The following NPHP3 variants were observed in gnomAD, a reference collection of about 807,000 sequenced individuals.
NPHP3 encodes nephrocystin 3.
In NPHP3, 123 loss-of-function variants were observed where a neutral mutation model predicts 171.9. The observed-to-expected ratio is 0.72, with a 90% CI of 0.62 to 0.83. The LOEUF (loss-of-function observed/expected upper bound fraction) is 0.83, where lower values mean the gene tolerates loss of function less well. Among genes scored for constraint, NPHP3 ranks in the 40% least tolerant of loss-of-function variants. NPHP3 has a pLI of 0.00. For missense variants in NPHP3, 1,506 were observed against 1,591.9 expected (o/e 0.95, Z 0.92); for synonymous variants, 558 against 579.2 (o/e 0.96, Z 0.52).
At chr3:132,711,989 G>A (rs1939921981) in intron 6 of NPHP3, among the ~76,000 whole-genome samples, 1 of 152,178 alleles carries the variant, frequency 6.6e-6, no homozygotes, top group African/African-American at 2.4e-5. Flanking sequence ...GTTAAAGTCA[G>A]AGTTGGTCCA....
Position 132,716,917 on chromosome 3 carries a change from G to C in NPHP3, c.671-8C>G. 6.2e-7 allele frequency: 1 copy of C among 1,613,240 alleles called. No individual in the cohort carries two copies. The highest frequency in any genetic ancestry group is 8.5e-7 in the Non-Finnish European group (1 of 1,179,998). ...CACATTGGGTTCCAGCAGCTGTTCA[G>C]CAAGAGATTTTTATCTTGTGAAAGC... is the stretch of plus-strand genomic sequence containing the variant. On this transcript the variant is annotated splice_polypyrimidine_tract_variant and splice_region_variant and intron_variant, in intron 3 of 26. Transcript: ENST00000337331.
intron 5 of NPHP3, among the ~76,000 whole-genome samples, chr3:132,714,857 TA>T (rs1334112299): frequency 1.3e-5 from 2 of 152,204 alleles, no homozygotes; most frequent in African/African-American, 4.8e-5. Context: ...CTAGGAAAGT[TA>T]ATTCCAGAAA....
At chr3:132,688,243 A>G (rs1032553858) in intron 21 of NPHP3, among the ~76,000 whole-genome samples, 6 of 152,188 alleles carry the variant, frequency 3.9e-5, no homozygotes, top group African/African-American at 1.2e-4. Flanking sequence ...TATAAGGTGT[A>G]TATGAAAAAT....
At chr3:132,711,468 G>T (rs1012378290) in intron 6 of NPHP3, among the ~76,000 whole-genome samples, 1 of 151,700 alleles carries the variant, frequency 6.6e-6, no homozygotes, top group African/African-American at 2.4e-5. Context: ...GAAATAAATG[G>T]GGAGGAAAAC....
At chr3:132,701,988 C>T (rs1386144466) in intron 9 of NPHP3, among the ~76,000 whole-genome samples, 9 of 152,012 alleles carry the variant, frequency 5.9e-5, no homozygotes, top group African/African-American at 1.5e-4. Flanking sequence ...ACAGTGCCAC[C>T]GCACTCCAGC....
rs374302036 is a variant in NPHP3 at position 132,686,048 on chromosome 3, C to CA, written c.3329+211dup. The stretch of plus-strand genomic sequence containing the variant: ...TGGGCAACAGAGCGAGACTCCGTCT[C>CA]AAAAAAAAAAAAAAGAGTGTGAAAA... On this transcript the variant is annotated intron_variant, in intron 23 of 26. Transcript: ENST00000337331. 54,022 of 360,436 alleles carry CA rather than the reference C, an allele frequency of 0.15. 475 individuals are homozygous for CA. The highest frequency in any genetic ancestry group is 0.2 in the African/African-American group (6,635 of 33,256). The allele number at this position is 360,436 out of a possible 1,614,324, so 22.3% of individuals were successfully genotyped here. A position where few individuals can be genotyped will look rare whatever the true frequency, so the allele number is the denominator to read the frequency against.
In NPHP3 at chr3:132,721,493, G is replaced by A. The variant is rs1391300562; in HGVS notation, c.393+470C>T. ...GGTGGGGAGGGGGGTGAAACTCCTAGGAAGAGTTTGCTGAGTTGCTTCAAC... is the reference window on the plus strand; with the variant it reads ...GGTGGGGAGGGGGGTGAAACTCCTAAGAAGAGTTTGCTGAGTTGCTTCAAC... On this transcript the variant is annotated intron_variant, in intron 1 of 26. Coordinates refer to ENST00000337331, the MANE Select transcript of NPHP3 (RefSeq NM_153240.5). 4 of 235,686 alleles carry A rather than the reference G, an allele frequency of 1.7e-5. No individual in the cohort carries two copies. The South Asian group carries it at 1.7e-4, about 10-fold the overall frequency. 14.6% of individuals were successfully genotyped at this position (235,686 alleles called of 1,614,324 possible).
chr3:132,705,402 T>C (rs1480271052), intron 8 of NPHP3, among the ~76,000 whole-genome samples: 4 of 152,142 alleles, frequency 2.6e-5, no homozygotes, highest in Non-Finnish European at 5.9e-5. Context: ...ACTTTCCTAA[T>C]ATATAAAAAT....
In NPHP3 at chr3:132,716,779, T is replaced by A. The variant is rs763333048; in HGVS notation, c.801A>T (p.Gly267=). ...TACCTCTATTAACATTTGCAAAGGG[T>A]CCTTCCACATCTATAGAACTATGGG... ...EFAHSSIDVE[G]PFANVNRDDW... The change falls in exon 4 of 27, where the codon GGA becomes GGT. Residue 267 remains glycine, a synonymous_variant. Transcript: ENST00000337331. The A allele has an allele frequency of 5.0e-6, 8 of 1,613,994 alleles. No homozygotes were observed. In the African/African-American group the frequency reaches 5.3e-5, roughly 11 times the overall value.
At chr3:132,698,434 T>C (rs950710884) in intron 13 of NPHP3, among the ~76,000 whole-genome samples, 16 of 151,896 alleles carry the variant, frequency 1.1e-4, no homozygotes, top group African/African-American at 3.4e-4. Flanking sequence ...CCCGCCACCA[T>C]GCCTGGCTAA....
chr3:132,688,901 A>T lies in NPHP3; in HGVS notation c.2884-10T>A. 6.2e-7 allele frequency: 1 copy of T among 1,614,094 alleles called. No individual in the cohort carries two copies. The highest frequency in any genetic ancestry group is 8.5e-7 in the Non-Finnish European group (1 of 1,179,986). On this transcript the variant is annotated splice_polypyrimidine_tract_variant and intron_variant, in intron 20 of 26. Transcript: ENST00000337331. ...GCAAAGGTACTATGGCCTGGGGGGA[A>T]AAGGGGTGAAAGGCCAGTTAAAGTG...
intron 21 of NPHP3, 148 bp downstream of exon 21, chr3:132,688,502 T>C (rs1036551638): frequency 2.0e-5 from 17 of 852,878 alleles, no homozygotes; most frequent in South Asian, 4.2e-5. Context: ...ATGAATCTTA[T>C]AGTTCTCATT....
chr3:132,688,489 G>C (rs1277226167), intron 21 of NPHP3, among the ~76,000 whole-genome samples, 161 bp downstream of exon 21: 2 of 152,156 alleles, frequency 1.3e-5, no homozygotes, highest in Non-Finnish European at 2.9e-5. Context: ...TCTTCAAACA[G>C]AGATGAATCT....
intron 22 of NPHP3, among the ~76,000 whole-genome samples, chr3:132,686,881 T>C (rs1408072809): frequency 6.6e-6 from 1 of 152,216 alleles, no homozygotes; most frequent in Non-Finnish European, 1.5e-5. Flanking sequence ...TATTCCTTTT[T>C]CCAACCCTTT....
At position 132,691,325 on chromosome 3, in the gene NPHP3, G is replaced by T. The variant is rs374675354; in HGVS notation, c.2476-39C>A. 3.0e-6 allele frequency: 4 copies of T among 1,334,170 alleles called. No individual in the cohort carries two copies. In the South Asian group the frequency reaches 4.7e-5, roughly 16 times the overall value. The allele number at this position is 1,334,170 out of a possible 1,614,324, so 82.6% of individuals were successfully genotyped here. A position where few individuals can be genotyped will look rare whatever the true frequency, so the allele number is the denominator to read the frequency against. On this transcript the variant is annotated intron_variant, in intron 17 of 26. Coordinates refer to ENST00000337331, the MANE Select transcript of NPHP3 (RefSeq NM_153240.5). ...GAAGAAATACTGAGTTCTATTTCAC[G>T]TAAGTCACTGTACATCTAACAAGAG... is the stretch of plus-strand genomic sequence containing the variant.
At chr3:132,699,233 C>A in intron 13 of NPHP3, 120 bp downstream of exon 13, 1 of 701,594 alleles carries the variant, frequency 1.4e-6, no homozygotes, top group Non-Finnish European at 2.5e-6. Flanking sequence ...CCCACTTCTC[C>A]CCATCCTCAC....
At chr3:132,698,850 C>T in intron 13 of NPHP3, among the ~76,000 whole-genome samples, 1 of 152,080 alleles carries the variant, frequency 6.6e-6, no homozygotes, top group East Asian at 1.9e-4. Context: ...ATCATCCTGG[C>T]TCTTTCTTTT....
intron 7 of NPHP3, 86 bp from the exon 8 acceptor site, chr3:132,705,900 C>G: frequency 2.7e-6 from 2 of 735,578 alleles, no homozygotes; most frequent in Non-Finnish European, 4.9e-6. Flanking sequence ...GCTTATGTGA[C>G]AGGAACTATT....
At chr3:132,715,953 T>C (rs1412329456) in intron 4 of NPHP3, among the ~76,000 whole-genome samples, 1 of 152,234 alleles carries the variant, frequency 6.6e-6, no homozygotes, top group Non-Finnish European at 1.5e-5. Flanking sequence ...CATAAAATCA[T>C]GTGGTGTTTG....
Sources: allele counts gnomAD v4.1 joint callset (sites outside exome capture counted in the v4.1 genomes callset), GRCh38; gene constraint gnomAD v4.1.1; transcripts MANE v1.5; gene names NCBI Gene and HGNC (gene_info 2026-07-23, HGNC 2026-07-21).